Variants in KNTC1 observed in about 807,000 individuals in gnomAD.
KNTC1 encodes kinetochore associated 1.
KNTC1 carries 253 observed loss-of-function variants against 314.4 expected under a neutral mutation model. The ratio of observed to expected loss-of-function variants is 0.80; its 90% CI spans 0.73 to 0.89. The LOEUF (loss-of-function observed/expected upper bound fraction) is 0.89, where lower values mean the gene tolerates loss of function less well. Ranked by LOEUF, KNTC1 falls within the 40% of genes least tolerant of loss-of-function variation. KNTC1 has a pLI of 0.00. For synonymous variants in KNTC1, 901 were observed against 901.4 expected (o/e 1.00, Z 0.01); for missense variants, 2,475 against 2,572.9 (o/e 0.96, Z 0.82).
rs764181893 is a variant in KNTC1 at position 122,538,403 on chromosome 12, T to A, written c.315T>A (p.Ser105Arg). The change falls in exon 4 of 64, where the codon AGT becomes AGA. Residue 105 changes from serine (S) to arginine (R), a missense_variant. By Grantham distance (110) the Ser-to-Arg change is moderately radical. Transcript: ENST00000333479. ...EGKFLLVGER[S>R]GNLHLIHVTS... ...AGTTTCTTTTGGTTGGCGAGAGAAG[T>A]GGCAACCTACATCTTATTCATGTAA... The A allele has an allele frequency of 1.9e-6, 3 of 1,606,220 alleles. No homozygotes were observed. Among genetic ancestry groups the A allele is most frequent in the Non-Finnish European group, 1.7e-6 (2 of 1,176,012 alleles).
At chr12:122,530,306 C>A in intron 2 of KNTC1, 114 bp downstream of exon 2, 1 of 879,190 alleles carries the variant, frequency 1.1e-6, no homozygotes, top group Non-Finnish European at 1.7e-6. Context: ...CTCAGGGAAT[C>A]AAGATTCAAT....
At chr12:122,545,845 G>T (rs573036735) in intron 8 of KNTC1, among the ~76,000 whole-genome samples, 4 of 151,702 alleles carry the variant, frequency 2.6e-5, no homozygotes, top group Non-Finnish European at 5.9e-5. Flanking sequence ...CAGCTACTGG[G>T]GAGGCTGAGG....
intron 8 of KNTC1, among the ~76,000 whole-genome samples, chr12:122,545,664 A>C (rs559533525): frequency 6.6e-6 from 1 of 152,282 alleles, no homozygotes; most frequent in East Asian, 1.9e-4. Context: ...TTAAATATTT[A>C]TGTGAAGGCT....
At position 122,587,571 on chromosome 12, in the gene KNTC1, T is replaced by C. The variant is rs1210623292; in HGVS notation, c.3731-140T>C. On this transcript the variant is annotated intron_variant, in intron 38 of 63. Transcript: ENST00000333479. ...GGTTTAAGTCAAGCCTCATGTTAAC[T>C]TCTCATTAACTAACTGAGAACAAAC... The C allele has an allele frequency of 7.1e-6, 4 of 559,646 alleles. No homozygotes were observed. The African/African-American group carries it at 7.8e-5, about 11-fold the overall frequency. The allele number at this position is 559,646 out of a possible 1,614,324, so 34.7% of individuals were successfully genotyped here. A position where few individuals can be genotyped will look rare whatever the true frequency, so the allele number is the denominator to read the frequency against.
Position 122,587,711 on chromosome 12 carries a change from G to T in KNTC1, c.3731G>T (p.Gly1244Val). ...TSLPYCSLNE[G>V]DGLVLPVINS... is the part of the protein sequence containing the mutation. ...ATTAAAATCCTTTATCACTCTGCAG[G>T]AGATGGCCTTGTTTTACCTGTTATA... The change falls in exon 39 of 64, where the codon GGA (glycine) becomes GTA (valine). Residue 1244 changes from glycine to valine, a missense_variant and splice_region_variant. By Grantham distance (109) the Gly-to-Val change is moderately radical. Coordinates refer to ENST00000333479, the MANE Select transcript of KNTC1 (RefSeq NM_014708.6). 3.7e-6 allele frequency: 6 copies of T among 1,609,448 alleles called. No individual in the cohort carries two copies. Among genetic ancestry groups the T allele is most frequent in the Non-Finnish European group, 5.1e-6 (6 of 1,177,590 alleles).
Position 122,605,407 on chromosome 12 carries a change from C to G in KNTC1, c.5488C>G (p.Pro1830Ala), listed in dbSNP as rs1430283227. 1 of 1,562,606 alleles carries G rather than the reference C, an allele frequency of 6.4e-7. No individual in the cohort carries two copies. Among genetic ancestry groups the G allele is most frequent in the Non-Finnish European group, 8.8e-7 (1 of 1,141,064 alleles). ...AAAATGGCTATGCCCTTCAACAAAA[C>G]CTGGTGAAGTAAGTACTTGCTGCCC... ...LEKWLCPSTK[P>A]GEKPSELFEL... Residue 1830 changes from proline (P) to alanine (A), a missense_variant, in exon 51 of 64, where the codon CCT becomes GCT. By Grantham distance (27) the Pro-to-Ala change is conservative. Coordinates refer to ENST00000333479, the MANE Select transcript of KNTC1 (RefSeq NM_014708.6).
chr12:122,601,665 G>C, intron 45 of KNTC1, 40 bp downstream of exon 45: 2 of 1,428,564 alleles, frequency 1.4e-6, no homozygotes, highest in Non-Finnish European at 9.2e-7. Flanking sequence ...TCATCTTTCT[G>C]CTTTTATTTG....
chr12:122,557,552 G>A, intron 17 of KNTC1, 43 bp downstream of exon 17: 3 of 1,611,934 alleles, frequency 1.9e-6, no homozygotes, highest in Non-Finnish European at 2.5e-6. Flanking sequence ...AGATTGACGT[G>A]TTGATCAACA....
At chr12:122,613,939 C>T (rs1873470608) in intron 55 of KNTC1, among the ~76,000 whole-genome samples, 178 bp downstream of exon 55, 1 of 152,172 alleles carries the variant, frequency 6.6e-6, no homozygotes, top group Non-Finnish European at 1.5e-5. Flanking sequence ...CTCCCGGGTT[C>T]AAGCCTCAGC....
intron 59 of KNTC1, 52 bp downstream of exon 59, chr12:122,618,597 G>GC: frequency 7.3e-7 from 1 of 1,362,916 alleles, no homozygotes; most frequent in South Asian, 1.2e-5. Flanking sequence ...TTGCTTATAA[G>GC]ATTCCCTTCT....
At chr12:122,621,091 C>T (rs1243415923) in intron 60 of KNTC1, among the ~76,000 whole-genome samples, 1 of 152,068 alleles carries the variant, frequency 6.6e-6, no homozygotes, top group Non-Finnish European at 1.5e-5. Context: ...AAGAAGGCTA[C>T]AAGGAAGGCA....
intron 3 of KNTC1, among the ~76,000 whole-genome samples, chr12:122,535,845 G>T (rs1593478679): frequency 6.6e-6 from 1 of 151,242 alleles, no homozygotes; most frequent in South Asian, 2.1e-4. Flanking sequence ...GAATTAAGGG[G>T]TAAGTCAGTG....
intron 16 of KNTC1, among the ~76,000 whole-genome samples, chr12:122,554,118 G>T (rs894371665): frequency 7.2e-6 from 1 of 139,240 alleles, no homozygotes; most frequent in Non-Finnish European, 1.5e-5. Context: ...TTTTGTAGAG[G>T]CGGGGTTTCA....
chr12:122,548,473 G>A (rs566743282), intron 12 of KNTC1, among the ~76,000 whole-genome samples: 1 of 152,142 alleles, frequency 6.6e-6, no homozygotes, highest in South Asian at 2.1e-4. Context: ...GCCTCCCGTA[G>A]TGCTGGGATT....
In KNTC1 at chr12:122,608,009, A is replaced by G. The variant is rs148481158; in HGVS notation, c.5497-1375A>G. On this transcript the variant is annotated intron_variant, in intron 51 of 63. Coordinates refer to ENST00000333479, the MANE Select transcript of KNTC1 (RefSeq NM_014708.6). ...TCTGTATCATTTCTTCTGAATTTTCAGGCAGAACTTGAGGTAGATTCTATA... is the reference window on the plus strand; with the variant it reads ...TCTGTATCATTTCTTCTGAATTTTCGGGCAGAACTTGAGGTAGATTCTATA... 2.6e-5 allele frequency among the ~76,000 whole-genome samples: 4 copies of G among 152,350 alleles called. No individual in the cohort carries two copies. The East Asian group carries it at 7.7e-4, about 29-fold the overall frequency.
rs370657369 is a variant in KNTC1, at chr12:122,543,621, G to T, written c.545G>T (p.Ser182Ile). Residue 182 changes from serine to isoleucine, a missense_variant, in exon 7 of 64, where the codon AGT becomes ATT. Physicochemically the swap from Ser to Ile is moderately radical, Grantham distance 142. Transcript: ENST00000333479. ...GCAGCAATTGAGAATGTAGACTTCA[G>T]TACAGCAAAAAAGGTAAGAAAATAA... ...IQQAIENVDF[S>I]TAKKLQGQIK... is the part of the protein sequence containing the mutation. The T allele has an allele frequency of 1.3e-5, 21 of 1,560,194 alleles. No homozygotes were observed. In the African/African-American group the frequency reaches 2.1e-4, roughly 15 times the overall value.
intron 30 of KNTC1, 34 bp from the exon 31 acceptor site, chr12:122,577,638 G>T (rs1965116300): frequency 1.5e-5 from 23 of 1,585,358 alleles, no homozygotes; most frequent in Non-Finnish European, 2.0e-5. Flanking sequence ...GCAAATACCA[G>T]CTGTTTTTTC....
chr12:122,620,203 A>G (rs1593696202), intron 59 of KNTC1: 1 of 185,466 alleles, frequency 5.4e-6, no homozygotes, highest in Non-Finnish European at 1.1e-5. Flanking sequence ...GAGTCTTCTG[A>G]GAATTTAGAA....
intron 1 of KNTC1, 35 bp from the exon 2 acceptor site, chr12:122,529,956 A>G (rs1042374214): frequency 3.3e-6 from 4 of 1,221,740 alleles, no homozygotes; most frequent in Middle Eastern, 2.0e-4. Flanking sequence ...AGTAAGCTTT[A>G]TCATTTCCCA....
Sources: allele counts gnomAD v4.1 joint callset (sites outside exome capture counted in the v4.1 genomes callset), GRCh38; gene constraint gnomAD v4.1.1; transcripts MANE v1.5; gene names NCBI Gene and HGNC (gene_info 2026-07-23, HGNC 2026-07-21).